EPB42: variants seen among roughly 807,000 people sequenced by gnomAD.
EPB42 encodes the protein erythrocyte membrane protein band 4.2, also known as protein 4.2.
In EPB42, 49 loss-of-function variants were observed where a neutral mutation model predicts 76.9. The observed-to-expected ratio is 0.64, with a 90% confidence interval of 0.51 to 0.81. The LOEUF (loss-of-function observed/expected upper bound fraction) is 0.81. Ranked by LOEUF, EPB42 falls within the 30% of genes least tolerant of loss-of-function variation. EPB42 has a pLI of 0.00. For missense variants in EPB42, 731 were observed against 867.6 expected, an observed-to-expected ratio of 0.84 and a Z score of 1.98; for synonymous variants, 310 against 338.4, an observed-to-expected ratio of 0.92 and a Z score of 0.92.
chr15:43,210,464 G>A (rs1034596007), intron 4 of EPB42, 25 bp from the exon 5 acceptor site: 4 of 1,605,026 alleles, frequency 2.5e-6, no homozygotes, highest in Non-Finnish European at 3.4e-6. Context: ...ACAGGGCCAT[G>A]ATGAAGGGTC....
intron 6 of EPB42, among the ~76,000 whole-genome samples, chr15:43,209,057 T>C (rs1333400918): frequency 1.3e-5 from 2 of 152,134 alleles, no homozygotes; most frequent in Admixed American, 6.5e-5. Context: ...AGTAAGTGAA[T>C]TTGGGAAAGG....
chr15:43,223,686 T>C (rs1309982923), upstream of EPB42, among the ~76,000 whole-genome samples: 14 of 152,072 alleles, frequency 9.2e-5, no homozygotes. Context: ...AAATTTAAAT[T>C]GGTGCAGCCT....
chr15:43,209,558 T>A, intron 5 of EPB42, 107 bp from the exon 6 acceptor site: 6 of 1,285,616 alleles, frequency 4.7e-6, no homozygotes, highest in Non-Finnish European at 5.5e-6. Context: ...GGTGAACAGA[T>A]CCCCAGCATT....
rs553841881 is a variant in EPB42, at chr15:43,200,438, AG to A, written c.1913+1405del. Among the ~76,000 whole-genome samples, 9 of 152,320 alleles carry A rather than the reference AG, an allele frequency of 5.9e-5. No individual in the cohort carries two copies. The South Asian group carries it at 1.9e-3, about 32-fold the overall frequency. On this transcript the variant is annotated intron_variant, in intron 12 of 12. Coordinates refer to ENST00000441366, the MANE Select transcript of EPB42 (RefSeq NM_001114134.2). ...ATATTTGCAACGTCTAAAACCAACA[AG>A]GGACTAATACCTGGACTATACAGGA...
chr15:43,205,066 C>T (rs1273146619), intron 10 of EPB42, among the ~76,000 whole-genome samples: 1 of 146,714 alleles, frequency 6.8e-6, no homozygotes, highest in East Asian at 2.1e-4. Context: ...GCCAAAAGTT[C>T]TTTCTTGTTA....
At chr15:43,215,939 G>A (rs949972701) in intron 2 of EPB42, among the ~76,000 whole-genome samples, 19 of 152,260 alleles carry the variant, frequency 1.2e-4, no homozygotes, top group African/African-American at 2.2e-4. Flanking sequence ...TAATCCACCC[G>A]CCTCGGCCTC....
At position 43,205,303 on chromosome 15, in the gene EPB42, T is replaced by C. The variant is rs115239496; in HGVS notation, c.1618+1027A>G. On this transcript the variant is annotated intron_variant, in intron 10 of 12. Transcript: ENST00000441366. Reference sequence around the variant, plus strand: ...GTGACCGGTTAGAAGGCTGTTGCAATGCTGTAGACAAGCTCTCGTCAACTG... The same window carrying C: ...GTGACCGGTTAGAAGGCTGTTGCAACGCTGTAGACAAGCTCTCGTCAACTG... Among the ~76,000 whole-genome samples, 668 of 152,336 alleles carry C rather than the reference T, an allele frequency of 4.4e-3. 10 individuals are homozygous for C. Among genetic ancestry groups the C allele is most frequent in the African/African-American group, 0.015 (639 of 41,560 alleles).
chr15:43,205,921 A>T (rs1382649695), intron 10 of EPB42: 1 of 173,700 alleles, frequency 5.8e-6, no homozygotes, highest in East Asian at 1.5e-4. Context: ...CCCTTTGCAC[A>T]CGTTGCTCCT....
chr15:43,224,545 C>T (rs1475589989), upstream of EPB42, among the ~76,000 whole-genome samples: 3 of 151,790 alleles, frequency 2.0e-5, no homozygotes, highest in Non-Finnish European at 4.4e-5. Context: ...CATTCTACTT[C>T]TAGGTATTTA....
chr15:43,203,919 T>C (rs1232579363), intron 10 of EPB42, among the ~76,000 whole-genome samples: 2 of 152,198 alleles, frequency 1.3e-5, no homozygotes, highest in Admixed American at 6.5e-5. Flanking sequence ...TTTGGGCAAA[T>C]AGTAAGTGCC....
chr15:43,209,250 T>C, intron 6 of EPB42, 24 bp downstream of exon 6: 1 of 1,613,758 alleles, frequency 6.2e-7, no homozygotes. Context: ...GGCAGGGCAC[T>C]CTACAGGAGA....
rs2042380901 is a variant in EPB42, at chr15:43,216,447, C to T, written c.17G>A (p.Gly6Asp). 5 of 1,613,952 alleles carry T rather than the reference C, an allele frequency of 3.1e-6. No individual in the cohort carries two copies. The African/African-American group carries it at 5.3e-5, about 17-fold the overall frequency. The change falls in exon 2 of 13, where the codon GGT becomes GAT. Residue 6 changes from glycine (G) to aspartate (D), a missense_variant. By Grantham distance (94) the Gly-to-Asp change is moderately conservative. Coordinates refer to ENST00000441366, the MANE Select transcript of EPB42 (RefSeq NM_001114134.2). The part of the protein sequence containing the change: MGQAL[G>D]IKSCDFQAAR... Reference sequence around the variant, plus strand: ...TGCCTGAAAGTCACAGCTCTTGATACCCAGGGCTGTTGTGGGAAAGAGAGA... The same window carrying T: ...TGCCTGAAAGTCACAGCTCTTGATATCCAGGGCTGTTGTGGGAAAGAGAGA...
At chr15:43,209,479 T>A (rs769766580) in intron 5 of EPB42, 28 bp from the exon 6 acceptor site, 1 of 1,598,060 alleles carries the variant, frequency 6.3e-7, no homozygotes, top group Non-Finnish European at 8.5e-7. Flanking sequence ...TGGATGTCAG[T>A]ATGAGTCCCT....
Position 43,206,482 on chromosome 15 carries a change from CCT to C in EPB42, c.1464_1465del (p.Asp490CysfsTer9). On this transcript the variant is annotated frameshift_variant, in exon 10 of 13. Transcript: ENST00000441366. LOFTEE classifies it high-confidence loss of function. The surrounding 1 kb of genome is among the most constrained non-coding windows in gnomAD (Gnocchi z 4.7). ...CAGCGTCACTGAGATCTGGGCATCCCCTCTCAGGGGTAGGGAGCTGGGTGCTT... is the reference window on the plus strand; with the variant it reads ...CAGCGTCACTGAGATCTGGGCATCCCCTCAGGGGTAGGGAGCTGGGTGCTT... The C allele has an allele frequency of 6.2e-7, 1 of 1,614,182 alleles. No homozygotes were observed. The highest frequency in any genetic ancestry group is 8.5e-7 in the Non-Finnish European group (1 of 1,180,036).
Position 43,209,330 on chromosome 15 carries a change from C to T in EPB42, c.776G>A (p.Arg259Gln), listed in dbSNP as rs376679347. Residue 259 changes from arginine to glutamine, a missense_variant, in exon 6 of 13, where the codon CGA (arginine) becomes CAA (glutamine). Transcript: ENST00000441366. The stretch of plus-strand genomic sequence containing the variant: ...CTGGCCATCATACACAGGTCGGCCT[C>T]GGCCGGTGAGCCACTGCCGCAGGAT... ...VPILRQWLTG[R>Q]GRPVYDGQAW... 30 of 1,614,014 alleles carry T rather than the reference C, an allele frequency of 1.9e-5. No individual in the cohort carries two copies. The African/African-American group carries it at 3.2e-4, about 17-fold the overall frequency.
chr15:43,202,682 G>A (rs905595018), intron 11 of EPB42, among the ~76,000 whole-genome samples: 2 of 152,188 alleles, frequency 1.3e-5, no homozygotes, highest in African/African-American at 2.4e-5. Context: ...GCTGGACCAA[G>A]AGCCATAAGC....
intron 10 of EPB42, among the ~76,000 whole-genome samples, chr15:43,203,850 C>T (rs993898425): frequency 2.0e-5 from 3 of 152,158 alleles, no homozygotes; most frequent in African/African-American, 4.8e-5. Flanking sequence ...TGCCACAGAA[C>T]GTGGTTGTGA....
chr15:43,206,679 G>A lies in EPB42; in HGVS notation c.1319-50C>T. On this transcript the variant is annotated intron_variant, in intron 9 of 12. Transcript: ENST00000441366. The surrounding 1 kb of genome is among the most constrained non-coding windows in gnomAD (Gnocchi z 4.7). ...GACCTTTTACCCGGGTGGTATAAAT[G>A]CTTCTAATAAAACCCTGGGAATCAA... 6.2e-7 allele frequency: 1 copy of A among 1,602,810 alleles called. No individual in the cohort carries two copies. Among genetic ancestry groups the A allele is most frequent in the Non-Finnish European group, 8.5e-7 (1 of 1,170,780 alleles).
At position 43,206,215 on chromosome 15, in the gene EPB42, G is replaced by T; in HGVS notation, c.1618+115C>A. On this transcript the variant is annotated intron_variant, in intron 10 of 12. Coordinates refer to ENST00000441366, the MANE Select transcript of EPB42 (RefSeq NM_001114134.2). The surrounding 1 kb of genome is among the most constrained non-coding windows in gnomAD (Gnocchi z 4.7). Reference sequence around the variant, plus strand: ...GAGAACATGAGAGTGAGCAGCAGGGGCTCAAAGCCATCTCTAGAGACTGCA... The same window carrying T: ...GAGAACATGAGAGTGAGCAGCAGGGTCTCAAAGCCATCTCTAGAGACTGCA... 2 of 1,079,240 alleles carry T rather than the reference G, an allele frequency of 1.9e-6. No individual in the cohort carries two copies. Among genetic ancestry groups the T allele is most frequent in the Non-Finnish European group, 2.6e-6 (2 of 768,588 alleles). The allele number at this position is 1,079,240 out of a possible 1,614,324, so 66.9% of individuals were successfully genotyped here. A position where few individuals can be genotyped will look rare whatever the true frequency, so the allele number is the denominator to read the frequency against.
Sources: gnomAD v4.1 joint callset for allele counts (sites outside exome capture counted in the v4.1 genomes callset) on GRCh38, gnomAD v4.1.1 for gene constraint, Gnocchi (gnomAD v3.1) non-coding constraint, MANE v1.5 for transcripts, NCBI Gene and HGNC (gene_info 2026-07-23, HGNC 2026-07-21) for gene names.